The following FAT4 variants were observed in gnomAD, a reference collection of about 807,000 sequenced individuals.
FAT4 encodes the protein protocadherin Fat 4.
FAT4 carries 84 observed loss-of-function variants against 303.9 expected under a neutral mutation model. That is an observed-to-expected ratio of 0.28 (90% CI 0.23 to 0.33). FAT4 has a LOEUF of 0.33. FAT4 is among the 10% of genes least tolerant of loss of function. The pLI is 1.00. For synonymous variants in FAT4, 2,307 were observed against 2,298.8 expected, an observed-to-expected ratio of 1.00 and a Z score of -0.10; for missense variants, 6,005 against 6,146.8, an observed-to-expected ratio of 0.98 and a Z score of 0.77.
At chr4:125,362,969 T>G (rs1034657268) in intron 2 of FAT4, 1 of 151,930 alleles carries the variant, frequency 6.6e-6, no homozygotes, top group Non-Finnish European at 1.5e-5. Context: ...GGGAAGACAG[T>G]CTTTTCCTAG....
At chr4:125,427,188 ATAATTTTTAAAAATTATGATAAGATG>A (rs1254382428) in intron 7 of FAT4, among the ~76,000 whole-genome samples, 1 of 151,558 alleles carries the variant, frequency 6.6e-6, no homozygotes, top group Non-Finnish European at 1.5e-5. Flanking sequence ...TTTTTATTTT[ATAATTTTTAAAAATTATGATAAGATG>A]TACTTATCAT....
rs759797743 is a variant in FAT4, at chr4:125,416,463, G to A, written c.6859G>A (p.Asp2287Asn). ...TGTTCTACAGGTGGTGGCAAGAGAT[G>A]ATGATCGAGGATCTAACAGCAAACT... ...RTILQVVARD[D>N]DRGSNSKLSY... The change falls in exon 7 of 18, where the codon GAT becomes AAT. Residue 2287 changes from aspartate to asparagine, a missense_variant. Physicochemically the swap from Asp to Asn is conservative, Grantham distance 23. Transcript: ENST00000394329. The A allele has an allele frequency of 1.2e-6, 2 of 1,613,500 alleles. No homozygotes were observed. The highest frequency in any genetic ancestry group is 3.3e-5 in the Admixed American group (2 of 59,974).
chr4:125,480,340 A>G (rs1727183385), intron 15 of FAT4, among the ~76,000 whole-genome samples: 1 of 152,134 alleles, frequency 6.6e-6, no homozygotes. Flanking sequence ...TTTAATGTAC[A>G]AGTAGTAGAA....
Position 125,319,128 on chromosome 4 carries a change from G to C in FAT4, c.2717G>C (p.Trp906Ser), listed in dbSNP as rs755856561. Residue 906 changes from tryptophan (W) to serine (S), a missense_variant, in exon 2 of 18, where the codon TGG (tryptophan) becomes TCG (serine). Physicochemically the swap from Trp to Ser is radical, Grantham distance 177. Transcript: ENST00000394329. ...AIESVNVVEN[W>S]QAGHSIFQAK... ...GAGAGTGTAAATGTGGTGGAGAATT[G>C]GCAGGCAGGTCACAGCATTTTCCAG... 1.2e-6 allele frequency: 2 copies of C among 1,614,088 alleles called. No homozygotes were observed.
chr4:125,405,716 A>C lies in FAT4; in HGVS notation c.5308-1164A>C, dbSNP rs544728967. ...ACGGGGTTTCACTATGTTGGCCAGG[A>C]TGGTCTCGATCTCCTGACCTCATGA... On this transcript the variant is annotated intron_variant, in intron 3 of 17. Coordinates refer to ENST00000394329, the MANE Select transcript of FAT4 (RefSeq NM_001291303.3). Among the ~76,000 whole-genome samples, 4 of 150,162 alleles carry C rather than the reference A, an allele frequency of 2.7e-5. No individual in the cohort carries two copies. The South Asian group carries it at 8.9e-4, about 33-fold the overall frequency.
chr4:125,373,007 T>C (rs1391469860), intron 2 of FAT4, among the ~76,000 whole-genome samples: 3 of 152,138 alleles, frequency 2.0e-5, no homozygotes, highest in Non-Finnish European at 4.4e-5. Flanking sequence ...GAAATAAAAA[T>C]AGCTTTGCCA....
rs775191237 is a variant in FAT4 at position 125,448,876 on chromosome 4, G to C, written c.7866G>C (p.Gln2622His). 1 of 1,609,186 alleles carries C rather than the reference G, an allele frequency of 6.2e-7. No individual in the cohort carries two copies. The highest frequency in any genetic ancestry group is 8.5e-7 in the Non-Finnish European group (1 of 1,179,038). Reference protein sequence around the residue: ...NTFQIDQLTGQVSISQPLDFE... With the variant: ...NTFQIDQLTGHVSISQPLDFE... Reference sequence around the variant, plus strand: ...TCCAGATTGATCAGTTAACAGGGCAGGTGTCTATTAGTCAACCTCTGGATT... The same window carrying C: ...TCCAGATTGATCAGTTAACAGGGCACGTGTCTATTAGTCAACCTCTGGATT... Residue 2622 changes from glutamine (Q) to histidine (H), a missense_variant, in exon 10 of 18, where the codon CAG becomes CAC. Physicochemically the swap from Gln to His is conservative, Grantham distance 24. Transcript: ENST00000394329.
chr4:125,331,669 G>A (rs1235219587), intron 2 of FAT4, among the ~76,000 whole-genome samples: 2 of 152,160 alleles, frequency 1.3e-5, no homozygotes, highest in African/African-American at 4.8e-5. Flanking sequence ...GCTTTAGAGA[G>A]CAGATCTTAA....
At chr4:125,411,354 C>T (rs976910563) in intron 5 of FAT4, among the ~76,000 whole-genome samples, 2 of 151,850 alleles carry the variant, frequency 1.3e-5, no homozygotes, top group South Asian at 2.1e-4. Flanking sequence ...CGGAGCATCA[C>T]GGAAATATTC....
intron 8 of FAT4, among the ~76,000 whole-genome samples, chr4:125,434,947 G>A (rs1282888015): frequency 6.6e-6 from 1 of 152,146 alleles, no homozygotes; most frequent in Non-Finnish European, 1.5e-5. Context: ...AACTCTCAAA[G>A]GTCAGACTCA....
chr4:125,447,405 A>G (rs1725861941), intron 9 of FAT4, among the ~76,000 whole-genome samples: 1 of 152,120 alleles, frequency 6.6e-6, no homozygotes, highest in African/African-American at 2.4e-5. Context: ...TCTAAAATAT[A>G]GGATTCATAA....
rs1405414790 is a variant in FAT4, at chr4:125,319,557, A to C, written c.3146A>C (p.Asp1049Ala). The C allele has an allele frequency of 6.2e-7, 1 of 1,614,076 alleles. No homozygotes were observed. The highest frequency in any genetic ancestry group is 1.3e-5 in the African/African-American group (1 of 74,938). Residue 1049 changes from aspartate (D) to alanine (A), a missense_variant, in exon 2 of 18, where the codon GAT becomes GCT. Physicochemically the swap from Asp to Ala is moderately radical, Grantham distance 126. Coordinates refer to ENST00000394329, the MANE Select transcript of FAT4 (RefSeq NM_001291303.3). The stretch of plus-strand genomic sequence containing the variant: ...GGGGATGCTTTTGGCATATTCCCAG[A>C]TGGTCAATTGTATATAAAAAGTGAA... ...NTGDAFGIFP[D>A]GQLYIKSELD...
chr4:125,316,331 G>A lies in FAT4; in HGVS notation c.-12-69G>A. The A allele has an allele frequency of 1.3e-6, 2 of 1,491,698 alleles. No individual in the cohort carries two copies. Among genetic ancestry groups the A allele is most frequent in the Non-Finnish European group, 8.9e-7 (1 of 1,121,212 alleles). The allele number at this position is 1,491,698 out of a possible 1,614,324, so 92.4% of individuals were successfully genotyped here. A position where few individuals can be genotyped will look rare whatever the true frequency, so the allele number is the denominator to read the frequency against. ...AGCCGTCAGCTGAATCTTTGCTGGC[G>A]CTCCTTAATCCCTGTAAATATCATT... On this transcript the variant is annotated intron_variant, in intron 1 of 17. Transcript: ENST00000394329. This position sits in a 1 kb window ranked among gnomAD's most constrained non-coding sequence, Gnocchi z 5.7.
chr4:125,410,613 A>T (rs536977391), intron 5 of FAT4, among the ~76,000 whole-genome samples: 1 of 152,226 alleles, frequency 6.6e-6, no homozygotes, highest in South Asian at 2.1e-4. Flanking sequence ...TTTATTAGTT[A>T]TGTATTAGAG....
chr4:125,413,883 T>G (rs989078908), intron 5 of FAT4, among the ~76,000 whole-genome samples: 1 of 151,986 alleles, frequency 6.6e-6, no homozygotes, highest in Non-Finnish European at 1.5e-5. Context: ...TAGAAGCTAA[T>G]TGTAGGTAAT....
rs1351713818 is a variant in FAT4 at position 125,318,895 on chromosome 4, T to C, written c.2484T>C (p.Tyr828=). Residue 828 remains tyrosine (Y), a synonymous_variant, in exon 2 of 18, where the codon TAT becomes TAC. Coordinates refer to ENST00000394329, the MANE Select transcript of FAT4 (RefSeq NM_001291303.3). ...STMDLNSNIS[Y]LITTGDQKGM... ...TGGATCTCAATTCCAACATCAGTTATCTCATTACTACTGGGGATCAGAAAG... is the reference window on the plus strand; with the variant it reads ...TGGATCTCAATTCCAACATCAGTTACCTCATTACTACTGGGGATCAGAAAG... The C allele has an allele frequency of 6.2e-7, 1 of 1,614,192 alleles. No homozygotes were observed. Among genetic ancestry groups the C allele is most frequent in the Admixed American group, 1.7e-5 (1 of 60,016 alleles).
rs182841943 is a variant in FAT4 at position 125,458,069 on chromosome 4, G to A, written c.11800+5259G>A. Among the ~76,000 whole-genome samples the A allele has an allele frequency of 7.3e-5, 11 of 151,712 alleles. No homozygotes were observed. The East Asian group carries it at 2.1e-3, about 29-fold the overall frequency. ...TTTGATAGAGCTTATTTATAAATCTGGCTATCTTATAACATAATTAGTTCA... is the reference window on the plus strand; with the variant it reads ...TTTGATAGAGCTTATTTATAAATCTAGCTATCTTATAACATAATTAGTTCA... On this transcript the variant is annotated intron_variant, in intron 10 of 17. Transcript: ENST00000394329.
Position 125,320,587 on chromosome 4 carries a change from A to G in FAT4, c.4176A>G (p.Ala1392=). The change falls in exon 2 of 18, where the codon GCA becomes GCG. Residue 1392 remains alanine, a synonymous_variant. Transcript: ENST00000394329. ...CTTTGTATAAATTAAATATAACAGC[A>G]AAAGACCAAGGAAGACCTCCTCGTT... ...TQSLYKLNIT[A]KDQGRPPRSS... 2 of 1,614,180 alleles carry G rather than the reference A, an allele frequency of 1.2e-6. No individual in the cohort carries two copies. The highest frequency in any genetic ancestry group is 2.2e-5 in the East Asian group (1 of 44,878).
At position 125,451,811 on chromosome 4, in the gene FAT4, A is replaced by T. The variant is rs148864032; in HGVS notation, c.10801A>T (p.Thr3601Ser). The change falls in exon 10 of 18, where the codon ACT becomes TCT. Residue 3601 changes from threonine (T) to serine (S), a missense_variant. Thr to Ser is a moderately conservative substitution (Grantham distance 58, BLOSUM62 1). Transcript: ENST00000394329. ...TGTTCCTCAAATGTCTTCCACAGGA[A>T]CTGTGCATATCACAGTTATAGACCA... ...SGVPQMSSTG[T>S]VHITVIDQND... 2 of 1,614,126 alleles carry T rather than the reference A, an allele frequency of 1.2e-6. No homozygotes were observed. Among genetic ancestry groups the T allele is most frequent in the Non-Finnish European group, 1.7e-6 (2 of 1,180,024 alleles).
Sources: allele counts gnomAD v4.1 joint callset (sites outside exome capture counted in the v4.1 genomes callset), GRCh38; gene constraint gnomAD v4.1.1; non-coding constraint Gnocchi (gnomAD v3.1); transcripts MANE v1.5; gene names NCBI Gene and HGNC (gene_info 2026-07-23, HGNC 2026-07-21).